Variants in NEXN observed in about 807,000 individuals in gnomAD.
NEXN encodes the protein nexilin.
NEXN carries 65 observed loss-of-function variants against 92.6 expected under a neutral mutation model. The ratio of observed to expected loss-of-function variants is 0.70; its 90% CI spans 0.57 to 0.86. The LOEUF (loss-of-function observed/expected upper bound fraction) is 0.86. Ranked by LOEUF, NEXN falls within the 40% of genes least tolerant of loss-of-function variation. NEXN has a pLI of 0.00. For synonymous variants in NEXN, 254 were observed against 242.5 expected, an observed-to-expected ratio of 1.05 and a Z score of -0.44; for missense variants, 778 against 771.1, an observed-to-expected ratio of 1.01 and a Z score of -0.11.
At chr1:77,897,368 T>A (rs1647318480) in intron 1 of NEXN, among the ~76,000 whole-genome samples, 1 of 152,196 alleles carries the variant, frequency 6.6e-6, no homozygotes, top group African/African-American at 2.4e-5. Flanking sequence ...CGCAAATCAA[T>A]AAATGTAATC....
chr1:77,920,818 G>T (rs918713809), intron 5 of NEXN, among the ~76,000 whole-genome samples: 13 of 151,912 alleles, frequency 8.6e-5, no homozygotes, highest in African/African-American at 2.7e-4. Context: ...AGGAGATGTT[G>T]AAAAGAAAAG....
intron 1 of NEXN, among the ~76,000 whole-genome samples, chr1:77,901,452 G>A (rs1008156242): frequency 2.0e-5 from 3 of 151,946 alleles, no homozygotes; most frequent in African/African-American, 7.3e-5. Flanking sequence ...AAGACCTATT[G>A]TTATTATCCA....
At chr1:77,893,879 C>A (rs1474454442) in intron 1 of NEXN, among the ~76,000 whole-genome samples, 2 of 151,428 alleles carry the variant, frequency 1.3e-5, no homozygotes, top group Non-Finnish European at 2.9e-5. Context: ...TTTGCCCAGG[C>A]TGAAGTGGCA....
At position 77,942,082 on chromosome 1, in the gene NEXN, G is replaced by A. The variant is rs765353395; in HGVS notation, c.1533G>A (p.Val511=). 1 of 1,613,642 alleles carries A rather than the reference G, an allele frequency of 6.2e-7. No homozygotes were observed. The highest frequency in any genetic ancestry group is 8.5e-7 in the Non-Finnish European group (1 of 1,179,728). The change falls in exon 12 of 13, where the codon GTG becomes GTA. Residue 511 remains valine (V), a synonymous_variant. Coordinates refer to ENST00000334785, the MANE Select transcript of NEXN (RefSeq NM_144573.4). ...RKSEAPFTHK[V]NMKARFEQMA... ...GCGAGGCTCCATTTACTCACAAAGTGAATATGAAAGCTAGATTTGAACAAA... is the reference window on the plus strand; with the variant it reads ...GCGAGGCTCCATTTACTCACAAAGTAAATATGAAAGCTAGATTTGAACAAA...
intron 11 of NEXN, among the ~76,000 whole-genome samples, chr1:77,936,307 G>A (rs901704128): frequency 6.6e-6 from 1 of 152,098 alleles, no homozygotes; most frequent in African/African-American, 2.4e-5. Flanking sequence ...ATATTTTTTG[G>A]CTGGGCGTGG....
In NEXN at chr1:77,917,019, C is replaced by T. The variant is rs537819139; in HGVS notation, c.28-547C>T. ...AATCACAGCTTGTGCACACAGACCA[C>T]GGTGTACCTCAGCCACAAATAAGGA... On this transcript the variant is annotated intron_variant, in intron 2 of 12. Coordinates refer to ENST00000334785, the MANE Select transcript of NEXN (RefSeq NM_144573.4). 2.0e-5 allele frequency among the ~76,000 whole-genome samples: 3 copies of T among 152,166 alleles called. No individual in the cohort carries two copies. The South Asian group carries it at 6.2e-4, about 32-fold the overall frequency.
chr1:77,910,763 A>AC lies in NEXN; in HGVS notation c.-52-5292_-52-5291insC, dbSNP rs60445787. On this transcript the variant is annotated intron_variant, in intron 1 of 12. Coordinates refer to ENST00000334785, the MANE Select transcript of NEXN (RefSeq NM_144573.4). ...GAGACTGTCTCAAAAAAAAAAAAAA[A>AC]AAAAAAAACTAATAAGTTATTTTAG... Among the ~76,000 whole-genome samples, 40 of 7,808 alleles carry AC rather than the reference A, an allele frequency of 5.1e-3. 1 individual carries two copies. Among genetic ancestry groups the AC allele is most frequent in the South Asian group, 0.045 (7 of 156 alleles). The allele number at this position is 7,808 out of a possible 152,430, so 5.1% of individuals were successfully genotyped here.
chr1:77,919,800 A>G (rs1571118539), intron 5 of NEXN, among the ~76,000 whole-genome samples: 2 of 152,044 alleles, frequency 1.3e-5, no homozygotes, highest in African/African-American at 2.4e-5. Flanking sequence ...GGGTTTCGCC[A>G]TGTTGGCCAG....
At position 77,916,353 on chromosome 1, in the gene NEXN, A is replaced by C. The variant is rs74092331; in HGVS notation, c.27+220A>C. Among the ~76,000 whole-genome samples the C allele has an allele frequency of 0.044, 6,749 of 152,232 alleles. 230 individuals carry two copies. The highest frequency in any genetic ancestry group is 0.089 in the African/African-American group (3,688 of 41,532). ...GAAATTCTACAAAGCATGAGTAGTA[A>C]ATTTGTGAATGATAGTGAAGTGGAT... On this transcript the variant is annotated intron_variant, in intron 2 of 12. Coordinates refer to ENST00000334785, the MANE Select transcript of NEXN (RefSeq NM_144573.4).
At chr1:77,940,294 A>C (rs1408016447) in intron 11 of NEXN, among the ~76,000 whole-genome samples, 1 of 152,210 alleles carries the variant, frequency 6.6e-6, no homozygotes, top group Non-Finnish European at 1.5e-5. Context: ...AGGAAAATAC[A>C]CTGCCTAACT....
chr1:77,943,151 G>A lies in NEXN; in HGVS notation c.*322G>A. 1 of 342,716 alleles carries A rather than the reference G, an allele frequency of 2.9e-6. No individual in the cohort carries two copies. The highest frequency in any genetic ancestry group is 5.7e-6 in the Non-Finnish European group (1 of 176,302). The allele number at this position is 342,716 out of a possible 1,614,324, so 21.2% of individuals were successfully genotyped here. A position where few individuals can be genotyped will look rare whatever the true frequency, so the allele number is the denominator to read the frequency against. On this transcript the variant is annotated 3_prime_UTR_variant, in exon 13 of 13. Transcript: ENST00000334785. Reference sequence around the variant, plus strand: ...GTCAATAAAATGTACTTATGGGGGGGAATTACTCAATTATTCTATCAGAAC... The same window carrying A: ...GTCAATAAAATGTACTTATGGGGGGAAATTACTCAATTATTCTATCAGAAC...
At chr1:77,933,508 C>A in intron 10 of NEXN, 29 bp downstream of exon 10, 1 of 1,434,680 alleles carries the variant, frequency 7.0e-7, no homozygotes, top group Non-Finnish European at 9.8e-7. Flanking sequence ...TCTATATTCC[C>A]CATATTTATT....
chr1:77,911,531 G>A (rs1318964791), intron 1 of NEXN, among the ~76,000 whole-genome samples: 1 of 151,904 alleles, frequency 6.6e-6, no homozygotes, highest in Non-Finnish European at 1.5e-5. Context: ...GGTGGAGGTT[G>A]CAGTGAGCCG....
At chr1:77,923,457 T>C (rs1341976225) in intron 5 of NEXN, among the ~76,000 whole-genome samples, 1 of 152,116 alleles carries the variant, frequency 6.6e-6, no homozygotes, top group Non-Finnish European at 1.5e-5. Context: ...CACTCTTTCA[T>C]TGGTTTTAAA....
rs899549666 is a variant in NEXN, at chr1:77,942,988, C to T, written c.*159C>T. 1.1e-5 allele frequency: 11 copies of T among 1,009,376 alleles called. No homozygotes were observed. The African/African-American group carries it at 1.6e-4, about 15-fold the overall frequency. 62.5% of individuals were successfully genotyped at this position (1,009,376 alleles called of 1,614,324 possible). The stretch of plus-strand genomic sequence containing the variant: ...TACATCCATCTTTTCTGTGGCGGGG[C>T]CAAAAAAGGAAACCAGGAGTGCCAC... On this transcript the variant is annotated 3_prime_UTR_variant, in exon 13 of 13. Coordinates refer to ENST00000334785, the MANE Select transcript of NEXN (RefSeq NM_144573.4).
intron 1 of NEXN, among the ~76,000 whole-genome samples, chr1:77,906,145 G>A (rs1347006202): frequency 6.6e-6 from 1 of 152,000 alleles, no homozygotes; most frequent in Admixed American, 6.6e-5. Context: ...AGGGAGAATA[G>A]TGTTATGAAA....
intron 8 of NEXN, among the ~76,000 whole-genome samples, chr1:77,927,872 T>C (rs1356938120): frequency 1.3e-5 from 2 of 152,010 alleles, no homozygotes; most frequent in Non-Finnish European, 2.9e-5. Flanking sequence ...GTTAAACAAG[T>C]TAATATCTAG....
At chr1:77,918,346 C>T (rs1649150737) in intron 5 of NEXN, 73 bp downstream of exon 5, 1 of 1,457,012 alleles carries the variant, frequency 6.9e-7, no homozygotes, top group African/African-American at 1.4e-5. Flanking sequence ...AGTATGTTGC[C>T]TAATTAAAAT....
chr1:77,896,064 G>A (rs1484582321), intron 1 of NEXN, among the ~76,000 whole-genome samples: 4 of 150,858 alleles, frequency 2.7e-5, no homozygotes, highest in Non-Finnish European at 4.4e-5. Flanking sequence ...CCAGCTATTC[G>A]GGAGGCTGAG....
Sources: gnomAD v4.1 joint callset for allele counts (sites outside exome capture counted in the v4.1 genomes callset) on GRCh38, gnomAD v4.1.1 for gene constraint, MANE v1.5 for transcripts, NCBI Gene and HGNC (gene_info 2026-07-23, HGNC 2026-07-21) for gene names.